Variants in ETV7 observed in about 807,000 individuals in gnomAD.
ETV7 encodes ETS variant transcription factor 7, also known as transcription factor ETV7.
A neutral mutation model predicts 39.1 loss-of-function variants in ETV7; 43 were observed. That is an observed-to-expected ratio of 1.10 (90% CI 0.86 to 1.42). The LOEUF (loss-of-function observed/expected upper bound fraction) is 1.42, where lower values mean the gene tolerates loss of function less well. Ranked by LOEUF, ETV7 falls within the 40% of genes most tolerant of loss-of-function variation. The pLI, the probability that ETV7 is intolerant of heterozygous loss-of-function variation, is 0.00. For missense variants in ETV7, 432 were observed against 442.3 expected (o/e 0.98, Z 0.21); for synonymous variants, 196 against 176.6 (o/e 1.11, Z -0.87).
rs1383771697 is a variant in ETV7 at position 36,373,526 on chromosome 6, C to T, written c.360G>A (p.Leu120=). 1.3e-6 allele frequency: 2 copies of T among 1,539,210 alleles called. No homozygotes were observed. The highest frequency in any genetic ancestry group is 1.4e-5 in the African/African-American group (1 of 72,028). Reference sequence around the variant, plus strand: ...TCCCTCCAAAAAAGGGCCCACACACCAGGGCTCGCCGCTGGGTCTTGATGT... The same window carrying T: ...TCCCTCCAAAAAAGGGCCCACACACTAGGGCTCGCCGCTGGGTCTTGATGT... ...LQYIKTQRRA[L]VCGPFFGGIF... The change falls in exon 4 of 8, where the codon CTG becomes CTA. Residue 120 remains leucine (L), a synonymous_variant. Transcript: ENST00000340181.
At position 36,359,745 on chromosome 6, in the gene ETV7, G is replaced by A. The variant is rs1772436993; in HGVS notation, c.909-5058C>T. 3.3e-5 allele frequency among the ~76,000 whole-genome samples: 5 copies of A among 152,332 alleles called. No homozygotes were observed. In the South Asian group the frequency reaches 1.0e-3, roughly 32 times the overall value. On this transcript the variant is annotated intron_variant, in intron 7 of 7. Transcript: ENST00000339796. ...AACCTACAGTAGGTGCTCAATGAAT[G>A]TTAAATAAATGAATGCATTATTTCA...
chr6:36,379,228 C>T (rs1453711198), intron 2 of ETV7, among the ~76,000 whole-genome samples: 3 of 152,162 alleles, frequency 2.0e-5, no homozygotes, highest in African/African-American at 2.4e-5. Context: ...ATATTGGAGG[C>T]GTCAGCCTGA....
At chr6:36,362,273 G>A (rs1040159113), downstream of ETV7, among the ~76,000 whole-genome samples, 6 of 151,884 alleles carry the variant, frequency 4.0e-5, no homozygotes, top group Non-Finnish European at 7.4e-5. Context: ...CTGCAGTCCG[G>A]CCTGTGTGAA....
At position 36,375,997 on chromosome 6, in the gene ETV7, G is replaced by T. The variant is rs1236204414; in HGVS notation, c.181C>A (p.His61Asn). ...PALWSREDVL[H>N]WLRWAEQEYS... The stretch of plus-strand genomic sequence containing the variant: ...TCCTGCTCTGCCCAGCGCAGCCAGT[G>T]CAGCACGTCCTCCCTGCTCCACAGT... Residue 61 changes from histidine (H) to asparagine (N), a missense_variant, in exon 3 of 8, where the codon CAC (histidine) becomes AAC (asparagine). Coordinates refer to ENST00000340181, the MANE Select transcript of ETV7 (RefSeq NM_016135.4). 1 of 1,610,002 alleles carries T rather than the reference G, an allele frequency of 6.2e-7. No individual in the cohort carries two copies. Among genetic ancestry groups the T allele is most frequent in the African/African-American group, 1.3e-5 (1 of 74,928 alleles).
chr6:36,378,542 A>G (rs4486005), intron 2 of ETV7, among the ~76,000 whole-genome samples: 136,962 of 151,810 alleles, frequency 0.9, 62,075 homozygotes, highest in African/African-American at 0.97. Context: ...GGTAGATTTC[A>G]GGGAAATATT....
At chr6:36,386,537 G>A (rs1773909584) in intron 1 of ETV7, among the ~76,000 whole-genome samples, 1 of 152,152 alleles carries the variant, frequency 6.6e-6, no homozygotes, top group Admixed American at 6.5e-5. Context: ...CTCATGCCCA[G>A]CCACAGGCTG....
At chr6:36,380,076 T>C (rs529155938) in intron 2 of ETV7, among the ~76,000 whole-genome samples, 3 of 152,256 alleles carry the variant, frequency 2.0e-5, no homozygotes, top group South Asian at 2.1e-4. Context: ...AAGCAGCATC[T>C]GGCATGTGGC....
Position 36,387,651 on chromosome 6 carries a change from A to C in ETV7, c.-110T>G. 3 of 1,248,484 alleles carry C rather than the reference A, an allele frequency of 2.4e-6. No individual in the cohort carries two copies. Among genetic ancestry groups the C allele is most frequent in the Non-Finnish European group, 3.4e-6 (3 of 871,100 alleles). 77.3% of individuals were successfully genotyped at this position (1,248,484 alleles called of 1,614,324 possible). On this transcript the variant is annotated 5_prime_UTR_variant, in exon 1 of 8. Coordinates refer to ENST00000340181, the MANE Select transcript of ETV7 (RefSeq NM_016135.4). ...GCAGTCCTCCTCCGCCAAACCCCTA[A>C]CCTGGCTCCGAGAACTGGAAGGTCG...
At chr6:36,367,391 C>T (rs565058151) in intron 6 of ETV7, among the ~76,000 whole-genome samples, 8 of 151,864 alleles carry the variant, frequency 5.3e-5, no homozygotes, top group South Asian at 2.1e-4. Flanking sequence ...TGCAGTGAGC[C>T]GAGGTCATGT....
intron 2 of ETV7, among the ~76,000 whole-genome samples, chr6:36,384,929 G>C (rs917353737): frequency 2.6e-5 from 4 of 152,046 alleles, no homozygotes; most frequent in African/African-American, 9.7e-5. Context: ...ACAGCAAACA[G>C]AGGGAAGGTA....
chr6:36,374,476 A>G (rs921255835), intron 3 of ETV7, among the ~76,000 whole-genome samples: 2 of 152,180 alleles, frequency 1.3e-5, no homozygotes, highest in Admixed American at 6.5e-5. Context: ...TAGAGAGCCA[A>G]TCTGGGGATC....
downstream of ETV7, among the ~76,000 whole-genome samples, chr6:36,363,011 G>T (rs1356229895): frequency 2.0e-5 from 3 of 152,224 alleles, no homozygotes; most frequent in African/African-American, 7.2e-5. Context: ...TGGGCCATGT[G>T]ATCTTGCGCA....
At position 36,372,556 on chromosome 6, in the gene ETV7, G is replaced by A. The variant is rs960183280; in HGVS notation, c.433+897C>T. The stretch of plus-strand genomic sequence containing the variant: ...GGGGCTGGAATGGGGCAGCAGGAGA[G>A]GAGTGAGAAGAGGTTGGATTCTGGA... On this transcript the variant is annotated intron_variant, in intron 4 of 7. Coordinates refer to ENST00000340181, the MANE Select transcript of ETV7 (RefSeq NM_016135.4). Among the ~76,000 whole-genome samples the A allele has an allele frequency of 2.6e-5, 4 of 151,542 alleles. No individual in the cohort carries two copies. In the East Asian group the frequency reaches 7.8e-4, roughly 29 times the overall value.
downstream of ETV7, among the ~76,000 whole-genome samples, chr6:36,362,236 A>G (rs1335451247): frequency 6.6e-6 from 1 of 151,880 alleles, no homozygotes; most frequent in African/African-American, 2.4e-5. Context: ...CGGGAGGCAG[A>G]GCTTGCAGCG....
At chr6:36,357,861 G>C (rs990416511) in intron 7 of ETV7, among the ~76,000 whole-genome samples, 2 of 152,048 alleles carry the variant, frequency 1.3e-5, no homozygotes, top group African/African-American at 4.8e-5. Context: ...CCAGGTGACA[G>C]AGTGAGATTC....
At chr6:36,382,381 T>C (rs971172779) in intron 2 of ETV7, among the ~76,000 whole-genome samples, 1 of 152,146 alleles carries the variant, frequency 6.6e-6, no homozygotes, top group Non-Finnish European at 1.5e-5. Flanking sequence ...ATAAATAAAA[T>C]GTGGTTCTCA....
intron 2 of ETV7, among the ~76,000 whole-genome samples, chr6:36,377,533 T>C (rs552614431): frequency 1.3e-5 from 2 of 152,254 alleles, no homozygotes; most frequent in African/African-American, 4.8e-5. Flanking sequence ...CTGGGTTCAG[T>C]TCTACAGGTA....
Position 36,387,666 on chromosome 6 carries a change from C to A in ETV7, c.-125G>T. 1 of 1,099,714 alleles carries A rather than the reference C, an allele frequency of 9.1e-7. No individual in the cohort carries two copies. 68.1% of individuals were successfully genotyped at this position (1,099,714 alleles called of 1,614,324 possible). A position where few individuals can be genotyped will look rare whatever the true frequency, so the allele number is the denominator to read the frequency against. On this transcript the variant is annotated 5_prime_UTR_variant, in exon 1 of 8. Coordinates refer to ENST00000340181, the MANE Select transcript of ETV7 (RefSeq NM_016135.4). ...CAAACCCCTAACCTGGCTCCGAGAA[C>A]TGGAAGGTCGCGTGGGAGGAAATCT...
chr6:36,367,132 G>C (rs1242704094), intron 6 of ETV7, among the ~76,000 whole-genome samples, 157 bp from the exon 7 acceptor site: 1 of 152,098 alleles, frequency 6.6e-6, no homozygotes, highest in Non-Finnish European at 1.5e-5. Flanking sequence ...AAGGAAAAAG[G>C]CAGGGGAAGG....
Sources: allele counts gnomAD v4.1 joint callset (sites outside exome capture counted in the v4.1 genomes callset), GRCh38; gene constraint gnomAD v4.1.1; transcripts MANE v1.5; gene names NCBI Gene and HGNC (gene_info 2026-07-23, HGNC 2026-07-21).